Variants in NRXN1 observed in about 807,000 individuals in gnomAD.
NRXN1 encodes neurexin-1.
Under a neutral mutation model 150.9 loss-of-function variants are expected in NRXN1, and 39 were observed. The observed-to-expected ratio is 0.26, with a 90% CI of 0.20 to 0.34. The LOEUF is 0.34. Among genes scored for constraint, NRXN1 ranks in the 10% least tolerant of loss-of-function variants. The pLI is 1.00. For missense variants in NRXN1, 1,815 were observed against 1,949.9 expected, an observed-to-expected ratio of 0.93 and a Z score of 1.30; for synonymous variants, 924 against 757.0, an observed-to-expected ratio of 1.22 and a Z score of -3.62.
intron 18 of NRXN1, among the ~76,000 whole-genome samples, chr2:50,226,691 T>C (rs2064413391): frequency 6.6e-6 from 1 of 151,918 alleles, no homozygotes; most frequent in African/African-American, 2.4e-5. Flanking sequence ...AGACCACTGG[T>C]TCTCTATCAG....
rs552015638 is a variant in NRXN1, at chr2:50,166,017, A to C, written c.3546+70772T>G. Among the ~76,000 whole-genome samples, 15 of 152,212 alleles carry C rather than the reference A, an allele frequency of 9.9e-5. 1 individual carries two copies. The South Asian group carries it at 3.1e-3, about 32-fold the overall frequency. On this transcript the variant is annotated intron_variant, in intron 18 of 22. Transcript: ENST00000401669. Reference sequence around the variant, plus strand: ...CCCTTTGAGTGTGTGTGTAACCTGTAAATATGACAATATATCTCACCAATG... The same window carrying C: ...CCCTTTGAGTGTGTGTGTAACCTGTCAATATGACAATATATCTCACCAATG...
chr2:50,789,409 C>A (rs1023857852), intron 5 of NRXN1, among the ~76,000 whole-genome samples: 1 of 152,132 alleles, frequency 6.6e-6, no homozygotes, highest in Admixed American at 6.5e-5. Flanking sequence ...AGCTACAGGG[C>A]AATCACAACT....
At chr2:49,974,139 T>C (rs1466595894) in intron 21 of NRXN1, 1 of 714,416 alleles carries the variant, frequency 1.4e-6, no homozygotes, top group African/African-American at 1.7e-5. Flanking sequence ...GATGATAAAT[T>C]GCCTGCGCAT....
intron 2 of NRXN1, among the ~76,000 whole-genome samples, chr2:51,017,505 T>TC (rs1668894253): frequency 4.1e-5 from 1 of 24,224 alleles, no homozygotes; most frequent in African/African-American, 2.7e-4. Context: ...ACATCTGGCT[T>TC]TTTTTTTTTT....
At chr2:50,669,370 T>G (rs894482968) in intron 5 of NRXN1, among the ~76,000 whole-genome samples, 2 of 151,954 alleles carry the variant, frequency 1.3e-5, no homozygotes, top group African/African-American at 4.8e-5. Flanking sequence ...TAATTTTTCC[T>G]GAAATACTCA....
At chr2:50,855,946 G>A (rs562749431) in intron 5 of NRXN1, among the ~76,000 whole-genome samples, 27 of 151,204 alleles carry the variant, frequency 1.8e-4, no homozygotes, top group Non-Finnish European at 2.8e-4. Flanking sequence ...AATCTATACC[G>A]CCTTCCCTTA....
rs374427895 is a variant in NRXN1 at position 50,251,801 on chromosome 2, C to T, written c.3365-14831G>A. Among the ~76,000 whole-genome samples the T allele has an allele frequency of 7.2e-5, 11 of 152,258 alleles. No homozygotes were observed. In the East Asian group the frequency reaches 1.5e-3, roughly 21 times the overall value. ...TGATCAGTGATGTTGAACGTTTTTTCATATGATTGTTGGCAGCATAAATGT... is the reference window on the plus strand; with the variant it reads ...TGATCAGTGATGTTGAACGTTTTTTTATATGATTGTTGGCAGCATAAATGT... On this transcript the variant is annotated intron_variant, in intron 17 of 22. Coordinates refer to ENST00000401669, the MANE Select transcript of NRXN1 (RefSeq NM_001330078.2).
intron 17 of NRXN1, among the ~76,000 whole-genome samples, chr2:50,454,046 G>A (rs2087266097): frequency 6.6e-6 from 1 of 152,120 alleles, no homozygotes; most frequent in African/African-American, 2.4e-5. Context: ...ATAATATACA[G>A]GCCAGGTGAG....
intron 16 of NRXN1, 25 bp downstream of exon 16, chr2:50,472,273 G>C (rs2089552964): frequency 6.6e-7 from 1 of 1,516,008 alleles, no homozygotes; most frequent in Non-Finnish European, 8.9e-7. Context: ...GAATTATTTA[G>C]AGCATGATGA....
chr2:50,244,533 T>C (rs189224977), intron 17 of NRXN1, among the ~76,000 whole-genome samples: 7 of 151,986 alleles, frequency 4.6e-5, no homozygotes, highest in Admixed American at 2.0e-4. Flanking sequence ...AGCCTTCCTA[T>C]CTCTTGATTT....
chr2:50,099,358 C>T, intron 18 of NRXN1, among the ~76,000 whole-genome samples: 1 of 103,630 alleles, frequency 9.6e-6, no homozygotes, highest in East Asian at 2.3e-4. Flanking sequence ...TCTTTCACAT[C>T]AATTTTCTTT....
intron 17 of NRXN1, among the ~76,000 whole-genome samples, chr2:50,343,124 C>G (rs1558562934): frequency 6.6e-6 from 1 of 152,220 alleles, no homozygotes; most frequent in African/African-American, 2.4e-5. Context: ...ATAGTGTAAG[C>G]TAATCATGGC....
chr2:49,951,137 C>T (rs994785642), intron 21 of NRXN1, among the ~76,000 whole-genome samples: 15 of 151,814 alleles, frequency 9.9e-5, no homozygotes, highest in African/African-American at 3.4e-4. Context: ...GTTCTCCTAA[C>T]AGGCAAAACT....
At chr2:50,894,870 T>A (rs766040490) in intron 5 of NRXN1, among the ~76,000 whole-genome samples, 10 of 152,200 alleles carry the variant, frequency 6.6e-5, no homozygotes, top group Non-Finnish European at 1.2e-4. Context: ...CACGATGTAA[T>A]CTAACATTTG....
intron 5 of NRXN1, among the ~76,000 whole-genome samples, chr2:50,765,019 T>C (rs1346201206): frequency 6.6e-6 from 1 of 152,022 alleles, no homozygotes; most frequent in Non-Finnish European, 1.5e-5. Flanking sequence ...AACTGAACGC[T>C]TAGTACTTTC....
intron 17 of NRXN1, among the ~76,000 whole-genome samples, chr2:50,449,883 A>T (rs1295484200): frequency 4.6e-5 from 7 of 152,134 alleles, no homozygotes. Context: ...TTCTCAAATC[A>T]ACCCTGCAAG....
intron 18 of NRXN1, among the ~76,000 whole-genome samples, chr2:50,230,638 T>C (rs1208559790): frequency 1.3e-5 from 2 of 152,066 alleles, no homozygotes; most frequent in African/African-American, 4.8e-5. Flanking sequence ...TGTTTTGTTC[T>C]CATTTCTTAA....
intron 5 of NRXN1, among the ~76,000 whole-genome samples, chr2:50,786,430 G>A (rs1385927131): frequency 6.6e-6 from 1 of 152,120 alleles, no homozygotes; most frequent in Non-Finnish European, 1.5e-5. Context: ...AAACCACTGC[G>A]TGCACTTTTT....
rs35702112 is a variant in NRXN1 at position 50,664,396 on chromosome 2, C to CGTGTGTGT, written c.833-40789_833-40782dup. 2.6e-3 allele frequency among the ~76,000 whole-genome samples: 281 copies of CGTGTGTGT among 108,078 alleles called. 2 individuals carry two copies. The highest frequency in any genetic ancestry group is 9.7e-3 in the Middle Eastern group (2 of 206). The allele number at this position is 108,078 out of a possible 152,430, so 70.9% of individuals were successfully genotyped here. On this transcript the variant is annotated intron_variant, in intron 5 of 22. Coordinates refer to ENST00000401669, the MANE Select transcript of NRXN1 (RefSeq NM_001330078.2). ...ACTTTTGAGAATTCAAAGTTTAAAG[C>CGTGTGTGT]GTGTGTGTGTGTGTGTGTGTGTGTG...
Sources: allele counts gnomAD v4.1 joint callset (sites outside exome capture counted in the v4.1 genomes callset), GRCh38; gene constraint gnomAD v4.1.1; transcripts MANE v1.5; gene names NCBI Gene and HGNC (gene_info 2026-07-23, HGNC 2026-07-21).